ZNF391: variants seen among roughly 807,000 people sequenced by gnomAD.
ZNF391 encodes zinc finger protein 391.
For synonymous variants in ZNF391, 126 were observed against 142.1 expected (o/e 0.89, Z 0.80); for missense variants, 375 against 425.5 (o/e 0.88, Z 1.04).
At position 27,383,277 on chromosome 6, in the gene ZNF391, G is replaced by A. The variant is rs1397897436; in HGVS notation, n.523+8140G>A. Among the ~76,000 whole-genome samples, 3 of 150,196 alleles carry A rather than the reference G, an allele frequency of 2.0e-5. No individual in the cohort carries two copies. The East Asian group carries it at 5.9e-4, about 29-fold the overall frequency. On this transcript the variant is annotated intron_variant and non_coding_transcript_variant, in intron 1 of 2. Transcript: ENST00000477999. ...CCGAGAGAGACAAAGACAGGGGGTGGGGAAGGAAGGAATAAAGAAAGAGTA... is the reference window on the plus strand; with the variant it reads ...CCGAGAGAGACAAAGACAGGGGGTGAGGAAGGAAGGAATAAAGAAAGAGTA...
In ZNF391 at chr6:27,389,812, C is replaced by A. The variant is rs188954049; in HGVS notation, c.-188+737C>A. 3.9e-5 allele frequency among the ~76,000 whole-genome samples: 6 copies of A among 152,256 alleles called. No homozygotes were observed. In the East Asian group the frequency reaches 1.2e-3, roughly 29 times the overall value. The stretch of plus-strand genomic sequence containing the variant: ...AGAGTGAAACTCCGCGCCCCTCCCC[C>A]CCAAAAAAGAGAAGTACTTGCTTGA... On this transcript the variant is annotated intron_variant, in intron 1 of 2. Transcript: ENST00000244576.
chr6:27,391,903 C>T (rs907199775), intron 1 of ZNF391, among the ~76,000 whole-genome samples: 7 of 152,030 alleles, frequency 4.6e-5, no homozygotes, highest in African/African-American at 1.2e-4. Flanking sequence ...ATCTGAAACA[C>T]GGACCTTGAG....
chr6:27,389,352 G>A (rs1274304210), intron 1 of ZNF391: 1 of 454,650 alleles, frequency 2.2e-6, no homozygotes, highest in Non-Finnish European at 4.4e-6. Flanking sequence ...GCTGGGCGAG[G>A]GAGGTCTTCG....
intron 1 of ZNF391, among the ~76,000 whole-genome samples, chr6:27,392,312 G>A (rs1190817258): frequency 6.6e-6 from 1 of 152,152 alleles, no homozygotes; most frequent in Non-Finnish European, 1.5e-5. Flanking sequence ...CCAGAGTGCA[G>A]TGGTACAGTC....
chr6:27,397,107 A>G (rs1022518), intron 1 of ZNF391, among the ~76,000 whole-genome samples: 107,815 of 152,066 alleles, frequency 0.71, 38,436 homozygotes, highest in Middle Eastern at 0.82. Context: ...ACCTGAGACT[A>G]GGTAATTTAT....
intron 1 of ZNF391, among the ~76,000 whole-genome samples, chr6:27,394,294 G>A (rs1337344663): frequency 6.6e-6 from 1 of 152,230 alleles, no homozygotes; most frequent in Non-Finnish European, 1.5e-5. Context: ...GGGTCCCACT[G>A]CCCTGCACCA....
intron 1 of ZNF391, among the ~76,000 whole-genome samples, chr6:27,398,965 C>T (rs1316773446): frequency 6.6e-6 from 1 of 152,186 alleles, no homozygotes; most frequent in Non-Finnish European, 1.5e-5. Flanking sequence ...GAGAAGGGGC[C>T]TCCTGTCCTA....
At chr6:27,393,181 G>A (rs1761753353) in intron 1 of ZNF391, among the ~76,000 whole-genome samples, 1 of 152,190 alleles carries the variant, frequency 6.6e-6, no homozygotes, top group Non-Finnish European at 1.5e-5. Context: ...GCACTGTACA[G>A]TATGATATGG....
In ZNF391 at chr6:27,400,622, A is replaced by G. The variant is rs1427678798; in HGVS notation, c.252A>G (p.Pro84=). The G allele has an allele frequency of 6.2e-7, 1 of 1,614,142 alleles. No individual in the cohort carries two copies. The highest frequency in any genetic ancestry group is 2.2e-5 in the East Asian group (1 of 44,900). The change falls in exon 3 of 3, where the codon CCA becomes CCG. Residue 84 remains proline (P), a synonymous_variant. Transcript: ENST00000244576. ...QQKIPKGHGS[P]ISRKNSKDNS... is the part of the protein sequence containing the mutation. ...AAATTCCAAAGGGACATGGATCCCCAATATCTAGGAAAAACTCCAAAGATA... is the reference window on the plus strand; with the variant it reads ...AAATTCCAAAGGGACATGGATCCCCGATATCTAGGAAAAACTCCAAAGATA...
At chr6:27,391,711 A>C (rs1428065549) in intron 1 of ZNF391, among the ~76,000 whole-genome samples, 3 of 152,188 alleles carry the variant, frequency 2.0e-5, no homozygotes, top group African/African-American at 7.2e-5. Context: ...AACCAGAGAC[A>C]CATTTATTTC....
Position 27,379,113 on chromosome 6 carries a change from C to T in ZNF391, n.523+3976C>T, listed in dbSNP as rs542099025. 2.6e-5 allele frequency among the ~76,000 whole-genome samples: 4 copies of T among 152,350 alleles called. No individual in the cohort carries two copies. In the East Asian group the frequency reaches 5.8e-4, roughly 22 times the overall value. ...AAACTGCTTCACATGCCAGTTGTTACAGCTGTGCTAAAACTACAAGGTCAT... is the reference window on the plus strand; with the variant it reads ...AAACTGCTTCACATGCCAGTTGTTATAGCTGTGCTAAAACTACAAGGTCAT... On this transcript the variant is annotated intron_variant and non_coding_transcript_variant, in intron 1 of 2. Coordinates refer to the ZNF391 transcript ENST00000477999.
At chr6:27,380,293 A>T (rs1163807970) in intron 1 of ZNF391, among the ~76,000 whole-genome samples, 1 of 151,536 alleles carries the variant, frequency 6.6e-6, no homozygotes, top group Non-Finnish European at 1.5e-5. Context: ...GTTCCAATGA[A>T]TTGGGAGTTT....
chr6:27,381,629 C>T (rs1040015472), intron 1 of ZNF391, among the ~76,000 whole-genome samples: 2 of 152,194 alleles, frequency 1.3e-5, no homozygotes, highest in African/African-American at 4.8e-5. Context: ...TCACTAGCTA[C>T]TTAGGAGGCT....
upstream of ZNF391, chr6:27,388,753 A>G (rs1246055283): frequency 2.7e-6 from 1 of 365,318 alleles, no homozygotes; most frequent in East Asian, 8.7e-5. Context: ...TACGTTGCTC[A>G]GTCTCAGTGT....
intron 1 of ZNF391, among the ~76,000 whole-genome samples, chr6:27,394,290 C>T (rs1298062775): frequency 1.3e-5 from 2 of 152,230 alleles, no homozygotes; most frequent in African/African-American, 4.8e-5. Context: ...TCCTGGGTCC[C>T]ACTGCCCTGC....
rs1440594813 is a variant in ZNF391 at position 27,389,010 on chromosome 6, G to C, written c.-253G>C. 4.4e-6 allele frequency: 2 copies of C among 456,316 alleles called. No homozygotes were observed. The highest frequency in any genetic ancestry group is 2.0e-5 in the African/African-American group (1 of 50,076). 28.3% of individuals were successfully genotyped at this position (456,316 alleles called of 1,614,324 possible). ...CCGCTCCAAGTGCGGGACCCGCCCG[G>C]GGTGTGTCGGGGGTACTCGGCCGGA... On this transcript the variant is annotated 5_prime_UTR_variant, in exon 1 of 3. Coordinates refer to ENST00000244576, the MANE Select transcript of ZNF391 (RefSeq NM_001076781.3).
At chr6:27,385,133 A>G (rs1761568312), upstream of ZNF391, among the ~76,000 whole-genome samples, 1 of 152,156 alleles carries the variant, frequency 6.6e-6, no homozygotes, top group Non-Finnish European at 1.5e-5. Context: ...TGCAAACTCT[A>G]GATTAACCAC....
Position 27,402,476 on chromosome 6 carries a change from T to C in ZNF391, c.*1029T>C, listed in dbSNP as rs1433095442. On this transcript the variant is annotated 3_prime_UTR_variant, in exon 3 of 3. Transcript: ENST00000244576. ...CTTTTCCTACCTCTCAGCATTTCTTTGATTGTCAATGATCAGCTCTGTGAT... is the reference window on the plus strand; with the variant it reads ...CTTTTCCTACCTCTCAGCATTTCTTCGATTGTCAATGATCAGCTCTGTGAT... The C allele has an allele frequency of 1.3e-5, 2 of 152,196 alleles. No individual in the cohort carries two copies. Among genetic ancestry groups the C allele is most frequent in the Non-Finnish European group, 2.9e-5 (2 of 68,014 alleles). The allele number at this position is 152,196 out of a possible 1,614,324, so 9.4% of individuals were successfully genotyped here.
chr6:27,382,284 G>A (rs546778486), intron 1 of ZNF391, among the ~76,000 whole-genome samples: 3 of 152,072 alleles, frequency 2.0e-5, no homozygotes, highest in African/African-American at 4.8e-5. Context: ...AACCCGGGAG[G>A]CGGAGGTTGC....
Sources: allele counts gnomAD v4.1 joint callset (sites outside exome capture counted in the v4.1 genomes callset), GRCh38; gene constraint gnomAD v4.1.1; transcripts MANE v1.5; gene names NCBI Gene and HGNC (gene_info 2026-07-23, HGNC 2026-07-21).